ABHD17C: variants seen among roughly 807,000 people sequenced by gnomAD.
ABHD17C encodes the protein alpha/beta hydrolase domain-containing protein 17C.
ABHD17C carries 11 observed loss-of-function variants against 27.9 expected under a neutral mutation model. The ratio of observed to expected loss-of-function variants is 0.39; its 90% CI spans 0.25 to 0.65. The LOEUF (loss-of-function observed/expected upper bound fraction) is 0.65, where lower values mean the gene tolerates loss of function less well. Ranked by LOEUF, ABHD17C falls within the 30% of genes least tolerant of loss-of-function variation. ABHD17C has a pLI of 0.45. For synonymous variants in ABHD17C, 233 were observed against 209.1 expected (o/e 1.11, Z -0.98); for missense variants, 280 against 470.2 (o/e 0.60, Z 3.74).
chr15:80,714,144 G>C (rs1894771787), intron 1 of ABHD17C, among the ~76,000 whole-genome samples: 1 of 152,048 alleles, frequency 6.6e-6, no homozygotes. Flanking sequence ...TTGTAGAGAA[G>C]AGATTTTTGC....
chr15:80,709,882 A>G (rs893099840), intron 1 of ABHD17C, among the ~76,000 whole-genome samples: 3 of 152,176 alleles, frequency 2.0e-5, no homozygotes, highest in African/African-American at 4.8e-5. Flanking sequence ...TTAAGTGTCC[A>G]CTGTGGGCCA....
chr15:80,698,865 C>T (rs1282434971), intron 1 of ABHD17C, among the ~76,000 whole-genome samples: 1 of 152,228 alleles, frequency 6.6e-6, no homozygotes, highest in Non-Finnish European at 1.5e-5. Flanking sequence ...TTCCTGCCCT[C>T]CTAGTTAACC....
chr15:80,720,902 C>A (rs554779591), intron 1 of ABHD17C, among the ~76,000 whole-genome samples: 44 of 148,628 alleles, frequency 3.0e-4, no homozygotes, highest in African/African-American at 1.1e-3. Context: ...GCCTGGGCAA[C>A]AGAGTGAGAC....
chr15:80,707,096 A>G (rs934155176), intron 1 of ABHD17C, among the ~76,000 whole-genome samples: 1 of 152,254 alleles, frequency 6.6e-6, no homozygotes, highest in African/African-American at 2.4e-5. Context: ...CACTTGATAA[A>G]AAGCAGATTA....
rs373237522 is a variant in ABHD17C, at chr15:80,703,339, G to A, written c.590+7320G>A. The A allele has an allele frequency of 4.6e-5, 7 of 152,334 alleles. No homozygotes were observed. In the East Asian group the frequency reaches 1.2e-3, roughly 25 times the overall value. 9.4% of individuals were successfully genotyped at this position (152,334 alleles called of 1,614,324 possible). A position where few individuals can be genotyped will look rare whatever the true frequency, so the allele number is the denominator to read the frequency against. ...TTACATTTCAACATCAGTTTGAGAG[G>A]GCACAGGCATTCAAACCATAGCAGC... On this transcript the variant is annotated intron_variant, in intron 1 of 2. Transcript: ENST00000258884.
intron 1 of ABHD17C, among the ~76,000 whole-genome samples, chr15:80,713,678 A>T (rs930687400): frequency 1.3e-5 from 2 of 151,894 alleles, no homozygotes; most frequent in Admixed American, 1.3e-4. Context: ...GCGTGGTGGC[A>T]GGCGCCTGTA....
chr15:80,726,848 A>G (rs1485501954), intron 1 of ABHD17C, among the ~76,000 whole-genome samples: 2 of 152,034 alleles, frequency 1.3e-5, no homozygotes, highest in African/African-American at 2.4e-5. Flanking sequence ...TAACCTTTGC[A>G]TTGTAGTTAA....
chr15:80,704,552 A>T (rs1894616480), intron 1 of ABHD17C: 1 of 151,324 alleles, frequency 6.6e-6, no homozygotes, highest in South Asian at 2.1e-4. Flanking sequence ...TAATAATAAT[A>T]AATACATACG....
intron 1 of ABHD17C, among the ~76,000 whole-genome samples, chr15:80,706,587 C>G (rs1351757219): frequency 6.6e-6 from 1 of 152,140 alleles, no homozygotes; most frequent in Non-Finnish European, 1.5e-5. Context: ...AATATATCCA[C>G]AAAAAGTGAG....
chr15:80,713,162 T>C (rs2141496939), intron 1 of ABHD17C, among the ~76,000 whole-genome samples: 1 of 152,056 alleles, frequency 6.6e-6, no homozygotes, highest in East Asian at 1.9e-4. Flanking sequence ...TAGCAGTGTC[T>C]TCTTGCCACC....
intron 1 of ABHD17C, among the ~76,000 whole-genome samples, chr15:80,733,400 G>A (rs911046064): frequency 1.3e-5 from 2 of 152,082 alleles, no homozygotes; most frequent in East Asian, 3.9e-4. Context: ...AGCAGAAGAG[G>A]GTGCTGACAT....
At chr15:80,744,895 A>G (rs775618620) in intron 1 of ABHD17C, among the ~76,000 whole-genome samples, 3 of 152,190 alleles carry the variant, frequency 2.0e-5, no homozygotes, top group Non-Finnish European at 4.4e-5. Flanking sequence ...TAAAATTAAC[A>G]TGAGTGTTTC....
intron 1 of ABHD17C, among the ~76,000 whole-genome samples, chr15:80,726,937 T>C (rs1894988745): frequency 6.6e-6 from 1 of 152,250 alleles, no homozygotes; most frequent in Non-Finnish European, 1.5e-5. Context: ...TTTACATGTC[T>C]GTAGTTTTCC....
chr15:80,729,089 T>C (rs1194251535), intron 1 of ABHD17C, among the ~76,000 whole-genome samples: 3 of 152,224 alleles, frequency 2.0e-5, no homozygotes, highest in Non-Finnish European at 4.4e-5. Flanking sequence ...ACTCAGGTCT[T>C]CCTTGTTTAT....
intron 1 of ABHD17C, among the ~76,000 whole-genome samples, chr15:80,696,847 G>A (rs532303692): frequency 2.6e-5 from 4 of 152,188 alleles, no homozygotes; most frequent in South Asian, 2.1e-4. Flanking sequence ...TTCACTATTA[G>A]ACAAAAGTCT....
At chr15:80,750,082 C>T (rs1895345709) in intron 2 of ABHD17C, among the ~76,000 whole-genome samples, 1 of 152,196 alleles carries the variant, frequency 6.6e-6, no homozygotes, top group African/African-American at 2.4e-5. Context: ...GATGGGGCAA[C>T]TAGTGGTGTA....
intron 1 of ABHD17C, among the ~76,000 whole-genome samples, chr15:80,698,034 CAT>C (rs989824796): frequency 2.0e-5 from 3 of 150,958 alleles, no homozygotes; most frequent in Non-Finnish European, 4.4e-5. Flanking sequence ...GGGCAGCACA[CAT>C]AGCAGAATAT....
At chr15:80,737,677 C>A (rs1357407705) in intron 1 of ABHD17C, among the ~76,000 whole-genome samples, 1 of 152,162 alleles carries the variant, frequency 6.6e-6, no homozygotes, top group African/African-American at 2.4e-5. Flanking sequence ...AAAATTATGT[C>A]TGTAGACTGG....
At chr15:80,745,647 G>A (rs9920095) in intron 1 of ABHD17C, among the ~76,000 whole-genome samples, 4,081 of 151,880 alleles carry the variant, frequency 0.027, 205 homozygotes, top group African/African-American at 0.092. Flanking sequence ...GATTACAGGC[G>A]TGAGCCATCG....
Sources: gnomAD v4.1 joint callset for allele counts (sites outside exome capture counted in the v4.1 genomes callset) on GRCh38, gnomAD v4.1.1 for gene constraint, MANE v1.5 for transcripts, NCBI Gene and HGNC (gene_info 2026-07-23, HGNC 2026-07-21) for gene names.